The following CSGALNACT1 variants were observed in gnomAD, a reference collection of about 807,000 sequenced individuals.
CSGALNACT1 encodes the protein chondroitin sulfate N-acetylgalactosaminyltransferase 1.
Under a neutral mutation model 51.0 loss-of-function variants are expected in CSGALNACT1, and 52 were observed. The observed-to-expected ratio is 1.02, with a 90% CI of 0.82 to 1.29. The LOEUF is 1.29. Ranked by LOEUF, CSGALNACT1 falls within the 50% of genes most tolerant of loss-of-function variation. The pLI, the probability that CSGALNACT1 is intolerant of heterozygous loss-of-function variation, is 0.00. For synonymous variants in CSGALNACT1, 341 were observed against 254.4 expected, an observed-to-expected ratio of 1.34 and a Z score of -3.24; for missense variants, 935 against 679.2, an observed-to-expected ratio of 1.38 and a Z score of -4.19.
intron 1 of CSGALNACT1, among the ~76,000 whole-genome samples, chr8:19,715,865 C>T (rs2062776971): frequency 6.6e-6 from 1 of 152,116 alleles, no homozygotes. Flanking sequence ...TAGTGATACC[C>T]TGTGTTCAGG....
chr8:19,735,590 T>C (rs79422347), intron 1 of CSGALNACT1, among the ~76,000 whole-genome samples: 3,912 of 152,170 alleles, frequency 0.026, 180 homozygotes, highest in African/African-American at 0.09. Context: ...ACTATAAAAA[T>C]GTTTTATCTT....
intron 3 of CSGALNACT1, among the ~76,000 whole-genome samples, chr8:19,577,564 A>G (rs2044552146): frequency 6.6e-6 from 1 of 151,868 alleles, no homozygotes; most frequent in Non-Finnish European, 1.5e-5. Context: ...ATCTCAAAAA[A>G]AAAAAAAATT....
intron 4 of CSGALNACT1, among the ~76,000 whole-genome samples, chr8:19,473,553 T>C (rs2068705520): frequency 6.6e-6 from 1 of 152,206 alleles, no homozygotes; most frequent in African/African-American, 2.4e-5. Context: ...CACCACTGAC[T>C]TTCTACCACC....
At chr8:19,449,081 G>A (rs1367301155) in intron 5 of CSGALNACT1, among the ~76,000 whole-genome samples, 1 of 152,080 alleles carries the variant, frequency 6.6e-6, no homozygotes, top group Non-Finnish European at 1.5e-5. Flanking sequence ...TAAGAAATGA[G>A]TGAATTTTGA....
intron 1 of CSGALNACT1, among the ~76,000 whole-genome samples, chr8:19,711,217 G>A (rs1379772764): frequency 1.3e-5 from 2 of 152,266 alleles, no homozygotes; most frequent in African/African-American, 2.4e-5. Flanking sequence ...TGATAGTCGA[G>A]TTGTGCTGGG....
intron 1 of CSGALNACT1, among the ~76,000 whole-genome samples, chr8:19,716,791 C>CAAA (rs111640426): frequency 6.9e-6 from 1 of 145,834 alleles, no homozygotes; most frequent in African/African-American, 2.5e-5. Flanking sequence ...GACTTTTTCT[C>CAAA]AAAAAAAAAA....
At chr8:19,577,402 A>G (rs2044490940) in intron 3 of CSGALNACT1, among the ~76,000 whole-genome samples, 1 of 137,356 alleles carries the variant, frequency 7.3e-6, no homozygotes, top group South Asian at 2.3e-4. Context: ...CCACCTCTAC[A>G]AAAAAAAAAA....
At chr8:19,420,293 C>G in intron 7 of CSGALNACT1, 47 bp downstream of exon 6, 1 of 1,590,754 alleles carries the variant, frequency 6.3e-7, no homozygotes, top group South Asian at 1.1e-5. Context: ...CACATGGGCC[C>G]GAGAGGGCTG....
chr8:19,505,598 G>C, exon 4 of CSGALNACT1: 3 of 1,614,058 alleles, frequency 1.9e-6, no homozygotes, highest in South Asian at 1.1e-5. Context: ...TGAGCTGTGC[G>C]ATCTGCCGCT....
chr8:19,504,686 C>G (rs767410328), intron 4 of CSGALNACT1, among the ~76,000 whole-genome samples: 2 of 152,174 alleles, frequency 1.3e-5, no homozygotes, highest in Non-Finnish European at 2.9e-5. Context: ...TTCCAGGGTT[C>G]AAATCCTGGT....
chr8:19,425,357 C>CA (rs1235260529), intron 6 of CSGALNACT1, among the ~76,000 whole-genome samples: 1 of 152,038 alleles, frequency 6.6e-6, no homozygotes, highest in East Asian at 1.9e-4. Flanking sequence ...ACAAACAAAC[C>CA]AAAAAACCAT....
chr8:19,479,080 C>T lies in CSGALNACT1; in HGVS notation c.635-20438G>A, dbSNP rs148924258. ...GGTTACATGGTCTTATTAATGACTG[C>T]TATTATGATACATGCATTGTTATGA... is the stretch of plus-strand genomic sequence containing the variant. On this transcript the variant is annotated intron_variant, in intron 4 of 9. Coordinates refer to ENST00000454498, the Ensembl canonical transcript of CSGALNACT1. Among the ~76,000 whole-genome samples the T allele has an allele frequency of 3.0e-3, 464 of 152,264 alleles. 5 individuals are homozygous for T. Among genetic ancestry groups the T allele is most frequent in the African/African-American group, 0.011 (450 of 41,538 alleles).
chr8:19,545,604 A>C (rs570046398), intron 3 of CSGALNACT1, among the ~76,000 whole-genome samples: 1 of 152,064 alleles, frequency 6.6e-6, no homozygotes, highest in East Asian at 1.9e-4. Flanking sequence ...GCATTCAATA[A>C]ATGTCTCTGG....
chr8:19,480,907 G>C (rs1401447176), intron 4 of CSGALNACT1, among the ~76,000 whole-genome samples: 2 of 152,080 alleles, frequency 1.3e-5, no homozygotes, highest in Non-Finnish European at 2.9e-5. Flanking sequence ...ATCAACACCA[G>C]GCAATATCGA....
intron 1 of CSGALNACT1, among the ~76,000 whole-genome samples, chr8:19,616,432 C>CT (rs1197533026): frequency 6.6e-6 from 1 of 152,156 alleles, no homozygotes; most frequent in African/African-American, 2.4e-5. Flanking sequence ...CCTGACCCTC[C>CT]TGTCACCTTC....
At chr8:19,532,692 A>G (rs2083000414) in intron 3 of CSGALNACT1, among the ~76,000 whole-genome samples, 1 of 152,200 alleles carries the variant, frequency 6.6e-6, no homozygotes, top group African/African-American at 2.4e-5. Flanking sequence ...GAGTACTCAG[A>G]TGGCAGAAGG....
chr8:19,599,472 A>AAGAAAAAGAAAG (rs1554751245), intron 2 of CSGALNACT1, among the ~76,000 whole-genome samples: 55 of 113,804 alleles, frequency 4.8e-4, no homozygotes, highest in African/African-American at 1.8e-3. Context: ...GAAAGAAAGA[A>AAGAAAAAGAAAG]AAAGAAAGAA....
At chr8:19,702,954 C>A (rs533388958) in intron 1 of CSGALNACT1, among the ~76,000 whole-genome samples, 1 of 152,198 alleles carries the variant, frequency 6.6e-6, no homozygotes, top group Admixed American at 6.5e-5. Context: ...CCCCTCTTAG[C>A]CCCCTTCCTG....
intron 3 of CSGALNACT1, among the ~76,000 whole-genome samples, chr8:19,524,465 T>A (rs1563892706): frequency 6.6e-6 from 1 of 152,226 alleles, no homozygotes; most frequent in African/African-American, 2.4e-5. Context: ...CTAGTCTGTT[T>A]CTTTTAGCTT....
Sources: allele counts gnomAD v4.1 joint callset (sites outside exome capture counted in the v4.1 genomes callset), GRCh38; gene constraint gnomAD v4.1.1; transcripts MANE v1.5; gene names NCBI Gene and HGNC (gene_info 2026-07-23, HGNC 2026-07-21).